Variants in NCOA1 observed in about 807,000 individuals in gnomAD.
NCOA1 encodes the protein Hin-2 protein.
NCOA1 carries 35 observed loss-of-function variants against 150.9 expected under a neutral mutation model. The observed-to-expected ratio is 0.23, with a 90% CI of 0.18 to 0.31. The LOEUF (loss-of-function observed/expected upper bound fraction) is 0.31. NCOA1 is among the 10% of genes least tolerant of loss of function. The pLI is 1.00. For missense variants in NCOA1, 1,491 were observed against 1,749.3 expected (o/e 0.85, Z 2.63); for synonymous variants, 590 against 630.0 (o/e 0.94, Z 0.95).
At position 24,520,472 on chromosome 2, in the gene NCOA1, G is replaced by A. The variant is rs148392508; in HGVS notation, c.-396+28870G>A. On this transcript the variant is annotated intron_variant, in intron 1 of 22. Transcript: ENST00000348332. The stretch of plus-strand genomic sequence containing the variant: ...GAATGAATATCAAAATAATTATTTT[G>A]AGTTAAAGCTGCCAACCAAAAAAGA... Among the ~76,000 whole-genome samples the A allele has an allele frequency of 2.7e-3, 409 of 152,258 alleles. 3 individuals are homozygous for A. The highest frequency in any genetic ancestry group is 9.4e-3 in the African/African-American group (390 of 41,550).
chr2:24,679,313 A>G (rs1672058908), intron 7 of NCOA1, among the ~76,000 whole-genome samples: 2 of 152,246 alleles, frequency 1.3e-5, no homozygotes, highest in African/African-American at 4.8e-5. Context: ...GATAAACAAC[A>G]TATGAGGGAA....
Position 24,707,619 on chromosome 2 carries a change from A to C in NCOA1, c.2149A>C (p.Thr717Pro), listed in dbSNP as rs199881147. The C allele has an allele frequency of 6.8e-6, 11 of 1,614,206 alleles. No individual in the cohort carries two copies. The South Asian group carries it at 1.1e-4, about 16-fold the overall frequency. The change falls in exon 13 of 23, where the codon ACT (threonine) becomes CCT (proline). Residue 717 changes from threonine (T) to proline (P), a missense_variant. Physicochemically the swap from Thr to Pro is conservative, Grantham distance 38. This residue lies in a region of NCOA1 where 703 missense variants were observed against 717.7 expected (regional missense o/e 0.98). Transcript: ENST00000348332. ...VEPDKKDSAS[T>P]SVSVTGQVQG... is the part of the protein sequence containing the mutation. ...GCCTGATAAAAAGGACAGTGCATCT[A>C]CTTCTGTGTCAGTGACTGGACAGGT... is the stretch of plus-strand genomic sequence containing the variant.
rs1670733723 is a variant in NCOA1, at chr2:24,652,063, A to G, written c.-17-6598A>G. On this transcript the variant is annotated intron_variant, in intron 4 of 22. Transcript: ENST00000348332. ...TCAAGAGAATTAAAAACATGGCCAC[A>G]TAAAAACTTGTACATAAATGTTCAC... Among the ~76,000 whole-genome samples, 7 of 152,154 alleles carry G rather than the reference A, an allele frequency of 4.6e-5. No homozygotes were observed. In the South Asian group the frequency reaches 1.4e-3, roughly 31 times the overall value.
chr2:24,656,801 T>G (rs1284195642), intron 4 of NCOA1, among the ~76,000 whole-genome samples: 1 of 152,238 alleles, frequency 6.6e-6, no homozygotes, highest in Non-Finnish European at 1.5e-5. Context: ...ATTTCATTCT[T>G]TTTTGTGGCT....
chr2:24,602,522 C>A (rs1668170481), intron 3 of NCOA1, among the ~76,000 whole-genome samples: 1 of 152,146 alleles, frequency 6.6e-6, no homozygotes, highest in Non-Finnish European at 1.5e-5. Flanking sequence ...TTAAAAAATA[C>A]ACTCTAAGTT....
At chr2:24,512,284 TAAAA>T (rs1381725379) in intron 1 of NCOA1, among the ~76,000 whole-genome samples, 1 of 152,156 alleles carries the variant, frequency 6.6e-6, no homozygotes, top group Non-Finnish European at 1.5e-5. Flanking sequence ...ATTTTATAAA[TAAAA>T]AAAGTTTCAG....
At chr2:24,497,022 A>G (rs1449814396) in intron 1 of NCOA1, among the ~76,000 whole-genome samples, 2 of 152,210 alleles carry the variant, frequency 1.3e-5, no homozygotes, top group East Asian at 3.8e-4. Context: ...CCTCATTCAT[A>G]GTCAGCAAAT....
chr2:24,534,895 G>T (rs7585352), intron 1 of NCOA1, among the ~76,000 whole-genome samples: 5 of 151,416 alleles, frequency 3.3e-5, no homozygotes, highest in Non-Finnish European at 5.9e-5. Context: ...AGAATAAGTG[G>T]GATGTGGTAC....
intron 2 of NCOA1, among the ~76,000 whole-genome samples, chr2:24,565,558 A>G (rs1666465170): frequency 6.6e-6 from 1 of 152,238 alleles, no homozygotes; most frequent in African/African-American, 2.4e-5. Context: ...TGGGAATCCT[A>G]ATGTCATGGG....
intron 19 of NCOA1, among the ~76,000 whole-genome samples, chr2:24,746,942 A>G (rs1360320390): frequency 6.6e-6 from 1 of 152,208 alleles, no homozygotes; most frequent in East Asian, 1.9e-4. Flanking sequence ...AATTTTACCA[A>G]AAATAAACCC....
chr2:24,502,811 C>T (rs1374670264), intron 1 of NCOA1, among the ~76,000 whole-genome samples: 2 of 152,214 alleles, frequency 1.3e-5, no homozygotes, highest in Admixed American at 6.5e-5. Context: ...TACAGCTCAA[C>T]TCAGATTTCA....
chr2:24,539,234 G>A (rs1166213560), intron 1 of NCOA1, among the ~76,000 whole-genome samples: 1 of 152,148 alleles, frequency 6.6e-6, no homozygotes, highest in Non-Finnish European at 1.5e-5. Flanking sequence ...AAAGTGCTGG[G>A]ATTACAGGCA....
At chr2:24,506,731 A>G (rs1663713122) in intron 1 of NCOA1, among the ~76,000 whole-genome samples, 1 of 152,174 alleles carries the variant, frequency 6.6e-6, no homozygotes, top group African/African-American at 2.4e-5. Context: ...ATGTATCCAC[A>G]TACTCTGCTG....
chr2:24,763,616 C>CTTTTTTT (rs1179539444), intron 22 of NCOA1, among the ~76,000 whole-genome samples: 41 of 85,306 alleles, frequency 4.8e-4, no homozygotes, highest in Non-Finnish European at 6.6e-4. Context: ...GTCTCTCTCT[C>CTTTTTTT]TTTTTTTTTT....
At chr2:24,617,831 A>G (rs1668940703) in intron 3 of NCOA1, among the ~76,000 whole-genome samples, 1 of 152,192 alleles carries the variant, frequency 6.6e-6, no homozygotes, top group Non-Finnish European at 1.5e-5. Context: ...ATTGGAGCCA[A>G]TCTGAAGTCA....
chr2:24,530,863 A>T (rs1291961311), intron 1 of NCOA1, among the ~76,000 whole-genome samples: 1 of 152,232 alleles, frequency 6.6e-6, no homozygotes, highest in East Asian at 1.9e-4. Context: ...GTTGATTACT[A>T]TGTGGCCAAA....
chr2:24,548,264 G>C (rs1174937866), intron 1 of NCOA1, among the ~76,000 whole-genome samples: 1 of 152,140 alleles, frequency 6.6e-6, no homozygotes, highest in African/African-American at 2.4e-5. Context: ...CAAAGAAAGA[G>C]GGCATGTGCA....
chr2:24,569,706 C>T (rs955127285), intron 2 of NCOA1, among the ~76,000 whole-genome samples: 1 of 150,840 alleles, frequency 6.6e-6, no homozygotes, highest in Admixed American at 6.6e-5. Flanking sequence ...CACGTCTCTA[C>T]TAAAAATACA....
intron 1 of NCOA1, among the ~76,000 whole-genome samples, chr2:24,512,258 T>G (rs1237280902): frequency 2.0e-5 from 3 of 152,214 alleles, no homozygotes; most frequent in Admixed American, 2.0e-4. Context: ...TAAGAAGTCT[T>G]ACCTATTCAA....
Sources: gnomAD v4.1 joint callset for allele counts (sites outside exome capture counted in the v4.1 genomes callset) on GRCh38, gnomAD v4.1.1 for gene constraint, gnomAD v4.1.1 regional missense constraint, MANE v1.5 for transcripts, NCBI Gene and HGNC (gene_info 2026-07-23, HGNC 2026-07-21) for gene names.